The following GPHN variants were observed in gnomAD, a reference collection of about 807,000 sequenced individuals.
GPHN encodes gephyrin.
A neutral mutation model predicts 95.5 loss-of-function variants in GPHN; 17 were observed. The observed-to-expected ratio is 0.18, with a 90% CI of 0.12 to 0.27. The LOEUF (loss-of-function observed/expected upper bound fraction) is 0.27. Among genes scored for constraint, GPHN ranks in the 10% least tolerant of loss-of-function variants. The probability of loss-of-function intolerance (pLI) is 1.00; values close to 1 mark genes in which losing one functional copy is unlikely to be tolerated. For synonymous variants in GPHN, 320 were observed against 322.5 expected, an observed-to-expected ratio of 0.99 and a Z score of 0.08; for missense variants, 660 against 978.1, an observed-to-expected ratio of 0.67 and a Z score of 4.34.
chr14:67,344,906 A>G, the GPHN span, among the ~76,000 whole-genome samples: 2 of 151,316 alleles, frequency 1.3e-5, no homozygotes, highest in Non-Finnish European at 2.9e-5. Flanking sequence ...CAAACAAACA[A>G]AAAAAACAAG....
chr14:67,398,722 A>G, the GPHN span, among the ~76,000 whole-genome samples: 1 of 151,894 alleles, frequency 6.6e-6, no homozygotes, highest in Admixed American at 6.6e-5. Flanking sequence ...ACACCCGGCT[A>G]ATTTTTAAAT....
At chr14:67,171,595 C>T (rs939560768) in intron 21 of GPHN, among the ~76,000 whole-genome samples, 1 of 152,054 alleles carries the variant, frequency 6.6e-6, no homozygotes, top group African/African-American at 2.4e-5. Context: ...GATTAAGAGA[C>T]AGAAAAGGGG....
chr14:66,844,113 T>C (rs1286925113), intron 4 of GPHN, among the ~76,000 whole-genome samples: 2 of 152,124 alleles, frequency 1.3e-5, no homozygotes, highest in Non-Finnish European at 2.9e-5. Context: ...TTAAAGTAGC[T>C]TTCTGCTCTG....
chr14:67,607,566 C>T, the GPHN span, among the ~76,000 whole-genome samples: 1 of 152,268 alleles, frequency 6.6e-6, no homozygotes, highest in Admixed American at 6.5e-5. Context: ...GGGGTTTCAC[C>T]ATGTTGGCCA....
At chr14:66,777,758 T>C (rs1377717884) in intron 3 of GPHN, among the ~76,000 whole-genome samples, 1 of 152,136 alleles carries the variant, frequency 6.6e-6, no homozygotes, top group Non-Finnish European at 1.5e-5. Flanking sequence ...AAAAGGCCTT[T>C]GACAAAATTC....
chr14:67,183,861 C>T (rs2083354783), downstream of GPHN, among the ~76,000 whole-genome samples: 2 of 128,222 alleles, frequency 1.6e-5, no homozygotes, highest in African/African-American at 5.8e-5. Context: ...TTTTTCTTTT[C>T]TTTTTTTTTT....
intron 21 of GPHN, among the ~76,000 whole-genome samples, chr14:67,171,048 G>C (rs1051803857): frequency 1.2e-4 from 18 of 152,086 alleles, no homozygotes; most frequent in African/African-American, 3.9e-4. Context: ...CTGTGTGTCA[G>C]TGCAGAAAAT....
chr14:67,442,192 C>T, the GPHN span, among the ~76,000 whole-genome samples: 14 of 152,158 alleles, frequency 9.2e-5, no homozygotes, highest in East Asian at 5.9e-4. Flanking sequence ...AGTGCCTAAG[C>T]GCCATGAAAG....
At chr14:67,372,826 C>CAAA in the GPHN span, among the ~76,000 whole-genome samples, 19 of 138,482 alleles carry the variant, frequency 1.4e-4, no homozygotes, top group Middle Eastern at 3.6e-3. Flanking sequence ...GACTCCATCT[C>CAAA]AAAAAAAAAA....
the GPHN span, chr14:67,332,845 T>A: frequency 1.2e-6 from 2 of 1,613,946 alleles, no homozygotes; most frequent in Non-Finnish European, 1.7e-6. Context: ...GCCACTACTT[T>A]GATACGGCAA....
At chr14:67,572,266 G>A in the GPHN span, 1 of 1,600,100 alleles carries the variant, frequency 6.2e-7, no homozygotes, top group Non-Finnish European at 8.5e-7. Context: ...CGACGGGCTG[G>A]GCCTGGGCGG....
chr14:66,835,563 C>G (rs1250337960), intron 4 of GPHN, among the ~76,000 whole-genome samples: 1 of 151,642 alleles, frequency 6.6e-6, no homozygotes, highest in African/African-American at 2.4e-5. Context: ...TCTCACCACT[C>G]CTATTCAACA....
chr14:66,702,334 C>T lies in GPHN; in HGVS notation c.143+21149C>T, dbSNP rs548539489. Among the ~76,000 whole-genome samples, 5 of 152,276 alleles carry T rather than the reference C, an allele frequency of 3.3e-5. No individual in the cohort carries two copies. The East Asian group carries it at 9.7e-4, about 29-fold the overall frequency. Reference sequence around the variant, plus strand: ...AAACAGGTCCTGTTCCCTGTGCCACCCAACTGGGTGAGACCCTCCAAAAGG... The same window carrying T: ...AAACAGGTCCTGTTCCCTGTGCCACTCAACTGGGTGAGACCCTCCAAAAGG... On this transcript the variant is annotated intron_variant, in intron 2 of 22. Transcript: ENST00000478722.
the GPHN span, chr14:67,359,922 G>GGC: frequency 1.8e-6 from 1 of 567,304 alleles, no homozygotes; most frequent in East Asian, 3.1e-5. Flanking sequence ...CGGATGTCGA[G>GGC]GCGCGCGCAC....
intron 8 of GPHN, among the ~76,000 whole-genome samples, chr14:66,958,694 T>A (rs1479561916): frequency 2.0e-5 from 3 of 152,158 alleles, no homozygotes; most frequent in South Asian, 4.1e-4. Flanking sequence ...TATAGTATTA[T>A]AATATTATGG....
chr14:67,422,490 T>A, the GPHN span, among the ~76,000 whole-genome samples: 1 of 152,204 alleles, frequency 6.6e-6, no homozygotes, highest in African/African-American at 2.4e-5. Flanking sequence ...GGCACATGGG[T>A]GCTATGCCAT....
intron 1 of GPHN, among the ~76,000 whole-genome samples, chr14:66,592,651 A>G (rs957177328): frequency 6.6e-6 from 1 of 152,186 alleles, no homozygotes; most frequent in Non-Finnish European, 1.5e-5. Context: ...TCAGGAAACT[A>G]CAGATGCTGG....
intron 18 of GPHN, among the ~76,000 whole-genome samples, chr14:67,156,279 T>A (rs1259512248): frequency 6.6e-6 from 1 of 152,086 alleles, no homozygotes; most frequent in African/African-American, 2.4e-5. Flanking sequence ...GTAGAAAATA[T>A]ATACAATAAA....
chr14:66,961,900 G>GTATGTGTATA (rs2068929443), intron 8 of GPHN, among the ~76,000 whole-genome samples: 1 of 52,958 alleles, frequency 1.9e-5, no homozygotes, highest in Non-Finnish European at 4.4e-5. Flanking sequence ...CCCTGAATGT[G>GTATGTGTATA]TATATATATA....
Sources: gnomAD v4.1 joint callset for allele counts (sites outside exome capture counted in the v4.1 genomes callset) on GRCh38, gnomAD v4.1.1 for gene constraint, MANE v1.5 for transcripts, NCBI Gene and HGNC (gene_info 2026-07-23, HGNC 2026-07-21) for gene names.